RANBP2: variants seen among roughly 807,000 people sequenced by gnomAD.
RANBP2 encodes the protein E3 SUMO-protein ligase RanBP2.
RANBP2 carries 57 observed loss-of-function variants against 303.6 expected under a neutral mutation model. That is an observed-to-expected ratio of 0.19 (90% confidence interval 0.15 to 0.23). The LOEUF (loss-of-function observed/expected upper bound fraction) is 0.23, where lower values mean the gene tolerates loss of function less well. RANBP2 is among the 10% of genes least tolerant of loss of function. The probability of loss-of-function intolerance (pLI) is 1.00; values close to 1 mark genes in which losing one functional copy is unlikely to be tolerated. For missense variants in RANBP2, 3,138 were observed against 3,780.8 expected, an observed-to-expected ratio of 0.83 and a Z score of 4.46; for synonymous variants, 1,167 against 1,301.5, an observed-to-expected ratio of 0.90 and a Z score of 2.23.
the RANBP2 span, among the ~76,000 whole-genome samples, chr2:109,362,036 T>C: frequency 2.0e-5 from 3 of 152,144 alleles, no homozygotes; most frequent in African/African-American, 7.2e-5. Context: ...ATCTTTTTTG[T>C]TTCATTGATT....
chr2:109,179,513 A>G, the RANBP2 span, among the ~76,000 whole-genome samples: 1 of 152,318 alleles, frequency 6.6e-6, no homozygotes, highest in African/African-American at 2.4e-5. Flanking sequence ...TGGGTAACTT[A>G]TAAAGAAAAC....
At chr2:109,434,938 G>A in the RANBP2 span, among the ~76,000 whole-genome samples, 5 of 152,204 alleles carry the variant, frequency 3.3e-5, no homozygotes, top group African/African-American at 4.8e-5. Context: ...TTTGTTATGG[G>A]AAGATCCTCC....
In RANBP2 at chr2:108,764,477, C is replaced by T. The variant is rs1426260874; in HGVS notation, c.3938C>T (p.Ala1313Val). ...TTAAAAGCCCCAGGAACAAATGTAG[C>T]CATGGCGTCAAATCAGGCTGTCAGA... ...SILKAPGTNVAMASNQAVRIV... is the reference protein window; with the variant it reads ...SILKAPGTNVVMASNQAVRIV... Residue 1313 changes from alanine to valine, a missense_variant, in exon 20 of 29, where the codon GCC becomes GTC. Around this residue, in one of 20 missense-constraint regions of RANBP2, gnomAD observed 388 missense variants for 328.5 expected, o/e 1.18. Transcript: ENST00000283195. 4 of 1,613,962 alleles carry T rather than the reference C, an allele frequency of 2.5e-6. No homozygotes were observed. The highest frequency in any genetic ancestry group is 2.2e-5 in the South Asian group (2 of 91,064).
chr2:109,022,854 C>A, the RANBP2 span, among the ~76,000 whole-genome samples: 1 of 151,974 alleles, frequency 6.6e-6, no homozygotes, highest in African/African-American at 2.4e-5. Flanking sequence ...AGTTTGAGAC[C>A]AGCCTGACCA....
At chr2:108,793,464 G>A in the RANBP2 span, among the ~76,000 whole-genome samples, 1 of 152,324 alleles carries the variant, frequency 6.6e-6, no homozygotes, top group East Asian at 1.9e-4. Context: ...ACCTACTGCT[G>A]TTGGGAGAGT....
At chr2:109,140,803 C>T in the RANBP2 span, among the ~76,000 whole-genome samples, 1 of 152,322 alleles carries the variant, frequency 6.6e-6, no homozygotes, top group Admixed American at 6.5e-5. Context: ...GTAACATCTC[C>T]TCTGTGTCCC....
chr2:109,662,347 C>T, the RANBP2 span, among the ~76,000 whole-genome samples: 5 of 152,078 alleles, frequency 3.3e-5, no homozygotes, highest in East Asian at 1.9e-4. Flanking sequence ...AGTGCAGTGG[C>T]GCGATCTTGG....
chr2:109,185,255 C>A, the RANBP2 span, among the ~76,000 whole-genome samples: 3 of 152,192 alleles, frequency 2.0e-5, no homozygotes, highest in African/African-American at 7.2e-5. Context: ...GACATGTTAT[C>A]AGGTAAGGCA....
At chr2:108,880,147 T>C in the RANBP2 span, among the ~76,000 whole-genome samples, 2 of 151,472 alleles carry the variant, frequency 1.3e-5, no homozygotes, top group Non-Finnish European at 2.9e-5. Flanking sequence ...AAGCTATTTC[T>C]TTGAAAAGAT....
At chr2:108,758,104 C>T (rs1191323284) in intron 17 of RANBP2, among the ~76,000 whole-genome samples, 2 of 151,932 alleles carry the variant, frequency 1.3e-5, no homozygotes, top group South Asian at 4.2e-4. Context: ...CAAGACTAGC[C>T]TGGCAAACAT....
At chr2:109,262,823 G>T in the RANBP2 span, among the ~76,000 whole-genome samples, 1 of 151,870 alleles carries the variant, frequency 6.6e-6, no homozygotes, top group South Asian at 2.1e-4. Flanking sequence ...TTTCATACAA[G>T]ACTTTCTTTT....
At chr2:109,492,384 G>A in the RANBP2 span, among the ~76,000 whole-genome samples, 11 of 152,078 alleles carry the variant, frequency 7.2e-5, no homozygotes, top group South Asian at 1.9e-3. Flanking sequence ...TGCAGAACCC[G>A]CAGCTACTGA....
the RANBP2 span, among the ~76,000 whole-genome samples, chr2:109,286,966 C>T: frequency 2.0e-5 from 3 of 152,346 alleles, no homozygotes; most frequent in South Asian, 6.2e-4. Flanking sequence ...TTCCGCCATC[C>T]TCCACAGACT....
At chr2:109,204,777 G>C in the RANBP2 span, among the ~76,000 whole-genome samples, 2 of 152,192 alleles carry the variant, frequency 1.3e-5, no homozygotes, top group Non-Finnish European at 2.9e-5. Flanking sequence ...CTGCATTCTA[G>C]ATTTATTGGG....
At chr2:109,041,659 C>T in the RANBP2 span, among the ~76,000 whole-genome samples, 4 of 144,142 alleles carry the variant, frequency 2.8e-5, no homozygotes, top group African/African-American at 1.0e-4. Flanking sequence ...GGAGCTCGGA[C>T]TACAGGTGCC....
chr2:109,501,567 A>G, the RANBP2 span: 1 of 779,858 alleles, frequency 1.3e-6, no homozygotes, highest in Non-Finnish European at 2.4e-6. Context: ...GGAAGGCGAC[A>G]TCGTCTTTGT....
At chr2:109,005,186 C>A in the RANBP2 span, among the ~76,000 whole-genome samples, 1 of 152,248 alleles carries the variant, frequency 6.6e-6, no homozygotes, top group Non-Finnish European at 1.5e-5. Context: ...AGACTATTAA[C>A]ATGGGCCTTG....
chr2:109,687,730 C>G, the RANBP2 span, among the ~76,000 whole-genome samples: 1 of 150,162 alleles, frequency 6.7e-6, no homozygotes, highest in South Asian at 2.2e-4. Context: ...CAAAGTTCCT[C>G]AGGTCAGGGG....
chr2:109,469,233 A>G, the RANBP2 span, among the ~76,000 whole-genome samples: 31 of 152,332 alleles, frequency 2.0e-4, no homozygotes, highest in East Asian at 5.2e-3. Flanking sequence ...ATATTCCTGG[A>G]TGAGTGAGAA....
Sources: gnomAD v4.1 joint callset for allele counts (sites outside exome capture counted in the v4.1 genomes callset) on GRCh38, gnomAD v4.1.1 for gene constraint, gnomAD v4.1.1 regional missense constraint, MANE v1.5 for transcripts, NCBI Gene and HGNC (gene_info 2026-07-23, HGNC 2026-07-21) for gene names.